CCDC60: variants seen among roughly 807,000 people sequenced by gnomAD.
CCDC60 encodes the protein coiled-coil domain containing 60.
A neutral mutation model predicts 63.5 loss-of-function variants in CCDC60; 54 were observed. That is an observed-to-expected ratio of 0.85 (90% CI 0.68 to 1.07). CCDC60 has a LOEUF of 1.07. Ranked by LOEUF, CCDC60 falls within the 50% of genes least tolerant of loss-of-function variation. The probability of loss-of-function intolerance (pLI) is 0.00; values close to 1 mark genes in which losing one functional copy is unlikely to be tolerated. For missense variants in CCDC60, 651 were observed against 684.3 expected (o/e 0.95, Z 0.54); for synonymous variants, 206 against 238.8 (o/e 0.86, Z 1.27).
Position 119,378,783 on chromosome 12 carries a change from T to C in CCDC60, c.90+43517T>C, listed in dbSNP as rs192540616. Among the ~76,000 whole-genome samples, 450 of 152,278 alleles carry C rather than the reference T, an allele frequency of 3.0e-3. 1 individual carries two copies. Among genetic ancestry groups the C allele is most frequent in the Middle Eastern group, 0.01 (3 of 294 alleles). On this transcript the variant is annotated intron_variant, in intron 1 of 13. Transcript: ENST00000327554. ...CCTCAAGGCACAAGCCTATATAGTA[T>C]CACAAGCAAAGCCCTATGCACAGGC...
chr12:119,507,195 G>A (rs1266750003), intron 7 of CCDC60, among the ~76,000 whole-genome samples: 2 of 151,992 alleles, frequency 1.3e-5, no homozygotes, highest in African/African-American at 4.8e-5. Context: ...TCTGTGTGGG[G>A]CCCTGATGTT....
At chr12:119,514,235 G>T (rs192927880) in intron 7 of CCDC60, among the ~76,000 whole-genome samples, 129 of 151,776 alleles carry the variant, frequency 8.5e-4, no homozygotes, top group Middle Eastern at 3.4e-3. Context: ...GGAGTGCAGT[G>T]GCGCAGTCTC....
chr12:119,412,105 C>A (rs1055183072), intron 1 of CCDC60, among the ~76,000 whole-genome samples: 2 of 152,152 alleles, frequency 1.3e-5, no homozygotes, highest in African/African-American at 4.8e-5. Flanking sequence ...CATCGAATGG[C>A]ATCCAGGGGA....
intron 1 of CCDC60, among the ~76,000 whole-genome samples, chr12:119,343,660 CTATATATATATA>C (rs60934414): frequency 7.1e-6 from 1 of 141,122 alleles, no homozygotes; most frequent in Non-Finnish European, 1.5e-5. Flanking sequence ...GAAAGGCAAA[CTATATATATATA>C]TATATATATA....
At chr12:119,344,853 TCTCA>T (rs1265840903) in intron 1 of CCDC60, among the ~76,000 whole-genome samples, 108 of 104,164 alleles carry the variant, frequency 1.0e-3, no homozygotes, top group African/African-American at 3.1e-3. Flanking sequence ...TCTCTCTCTC[TCTCA>T]CACACACACA....
chr12:119,422,268 G>A (rs1244862545), intron 1 of CCDC60, among the ~76,000 whole-genome samples: 2 of 152,188 alleles, frequency 1.3e-5, no homozygotes, highest in Non-Finnish European at 2.9e-5. Flanking sequence ...CTGTCCCCAA[G>A]ATGGCTTTTA....
intron 1 of CCDC60, among the ~76,000 whole-genome samples, chr12:119,337,681 G>A (rs1009827808): frequency 2.0e-5 from 3 of 152,152 alleles, no homozygotes; most frequent in African/African-American, 7.2e-5. Context: ...TCTATAGTGT[G>A]TATGCTTGGG....
chr12:119,488,628 C>T, intron 4 of CCDC60, 131 bp from the exon 5 acceptor site: 1 of 705,178 alleles, frequency 1.4e-6, no homozygotes, highest in Non-Finnish European at 2.5e-6. Context: ...ATGCAAAATA[C>T]TTGCGCATGC....
intron 13 of CCDC60, among the ~76,000 whole-genome samples, chr12:119,539,215 G>A (rs562997588): frequency 7.2e-5 from 11 of 152,332 alleles, no homozygotes; most frequent in South Asian, 4.1e-4. Context: ...GAGCTTGAGC[G>A]CTGTGCTGGG....
intron 1 of CCDC60, among the ~76,000 whole-genome samples, chr12:119,373,987 CT>C (rs879654743): frequency 8.3e-4 from 122 of 146,662 alleles, no homozygotes; most frequent in East Asian, 2.0e-3. Flanking sequence ...AGAACTTTAT[CT>C]TTTTTTTTTT....
At position 119,516,650 on chromosome 12, in the gene CCDC60, G is replaced by A. The variant is rs200185960; in HGVS notation, c.911G>A (p.Arg304Gln). 39 of 1,613,852 alleles carry A rather than the reference G, an allele frequency of 2.4e-5. No homozygotes were observed. The highest frequency in any genetic ancestry group is 5.0e-5 in the Admixed American group (3 of 60,008). Residue 304 changes from arginine (R) to glutamine (Q), a missense_variant, in exon 8 of 14, where the codon CGG becomes CAG. Coordinates refer to ENST00000327554, the MANE Select transcript of CCDC60 (RefSeq NM_178499.5). ...MNLQKLLEMV[R>Q]EDARRTVTIE... Reference sequence around the variant, plus strand: ...CTGCAGAAGCTCCTGGAGATGGTTCGGGAAGATGCCCGGAGGACAGTCACA... The same window carrying A: ...CTGCAGAAGCTCCTGGAGATGGTTCAGGAAGATGCCCGGAGGACAGTCACA...
At chr12:119,392,212 C>G (rs1956172244) in intron 1 of CCDC60, among the ~76,000 whole-genome samples, 1 of 152,188 alleles carries the variant, frequency 6.6e-6, no homozygotes, top group South Asian at 2.1e-4. Context: ...GGATATCCAT[C>G]ACTTCATCTT....
intron 13 of CCDC60, among the ~76,000 whole-genome samples, chr12:119,532,260 T>C (rs938706016): frequency 1.3e-5 from 2 of 152,140 alleles, no homozygotes; most frequent in Non-Finnish European, 2.9e-5. Flanking sequence ...CTTGAAGTTA[T>C]GGAGGACTTT....
At chr12:119,488,285 A>C (rs1210482323) in intron 4 of CCDC60, among the ~76,000 whole-genome samples, 2 of 152,172 alleles carry the variant, frequency 1.3e-5, no homozygotes, top group Non-Finnish European at 2.9e-5. Flanking sequence ...AGTTTCCCTG[A>C]GTTTCCAGAC....
chr12:119,496,577 G>A (rs1052883119), intron 5 of CCDC60, among the ~76,000 whole-genome samples: 1 of 152,190 alleles, frequency 6.6e-6, no homozygotes, highest in Non-Finnish European at 1.5e-5. Flanking sequence ...GGTTATTGTT[G>A]TTAATAGCTG....
intron 9 of CCDC60, among the ~76,000 whole-genome samples, chr12:119,521,127 T>C (rs1392199222): frequency 6.6e-6 from 1 of 152,242 alleles, no homozygotes; most frequent in Non-Finnish European, 1.5e-5. Context: ...TATGGTAATC[T>C]ATGCGTGTCT....
At chr12:119,492,751 G>A (rs1349758135) in intron 5 of CCDC60, among the ~76,000 whole-genome samples, 3 of 152,182 alleles carry the variant, frequency 2.0e-5, no homozygotes, top group African/African-American at 7.2e-5. Context: ...TTGGTTAAAT[G>A]TGTTCCTGCC....
At chr12:119,506,284 A>G (rs1295477055) in intron 7 of CCDC60, among the ~76,000 whole-genome samples, 3 of 151,936 alleles carry the variant, frequency 2.0e-5, no homozygotes, top group African/African-American at 7.3e-5. Flanking sequence ...GTGGCTCAAA[A>G]TATGAGGGAG....
intron 13 of CCDC60, among the ~76,000 whole-genome samples, chr12:119,531,626 A>T (rs908178266): frequency 6.6e-6 from 1 of 152,312 alleles, no homozygotes; most frequent in East Asian, 1.9e-4. Flanking sequence ...CAGTGTGTGC[A>T]AAGATCCCAA....
Sources: gnomAD v4.1 joint callset for allele counts (sites outside exome capture counted in the v4.1 genomes callset) on GRCh38, gnomAD v4.1.1 for gene constraint, MANE v1.5 for transcripts, NCBI Gene and HGNC (gene_info 2026-07-23, HGNC 2026-07-21) for gene names.